The following GDF5 variants were observed in gnomAD, a reference collection of about 807,000 sequenced individuals.
The protein encoded by GDF5 is growth/differentiation factor 5.
GDF5 carries 17 observed loss-of-function variants against 34.6 expected under a neutral mutation model. The observed-to-expected ratio is 0.49, with a 90% CI of 0.34 to 0.74. The LOEUF is 0.74. Ranked by LOEUF, GDF5 falls within the 30% of genes least tolerant of loss-of-function variation. The pLI, the probability that GDF5 is intolerant of heterozygous loss-of-function variation, is 0.01. For missense variants in GDF5, 616 were observed against 661.2 expected (o/e 0.93, Z 0.75); for synonymous variants, 332 against 290.7 (o/e 1.14, Z -1.44).
chr20:35,449,014 CAGAT>C (rs1386365019), intron 1 of GDF5, among the ~76,000 whole-genome samples: 1 of 152,174 alleles, frequency 6.6e-6, no homozygotes, highest in Non-Finnish European at 1.5e-5. Flanking sequence ...ACAATTCAAC[CAGAT>C]GGTGGCATCA....
chr20:35,438,114 C>T lies in GDF5; in HGVS notation c.-186G>A, dbSNP rs935718058. On this transcript the variant is annotated 5_prime_UTR_variant, in exon 1 of 2. Transcript: ENST00000374369. ...AGTCTGCCGGGTGTGTGTTTGTATC[C>T]AGTCCCATAGTGGAAATGCTCTCGT... 2 of 670,030 alleles carry T rather than the reference C, an allele frequency of 3.0e-6. No individual in the cohort carries two copies. The highest frequency in any genetic ancestry group is 1.8e-5 in the African/African-American group (1 of 55,636). 41.5% of individuals were successfully genotyped at this position (670,030 alleles called of 1,614,324 possible).
intron 1 of GDF5, among the ~76,000 whole-genome samples, chr20:35,448,999 T>G (rs188593207): frequency 1.3e-5 from 2 of 152,132 alleles, no homozygotes; most frequent in African/African-American, 4.8e-5. Flanking sequence ...ACTAGGGAGA[T>G]TGACACAATT....
intron 1 of GDF5, chr20:35,435,346 G>C (rs1440396589): frequency 1.2e-5 from 2 of 162,220 alleles, no homozygotes; most frequent in Admixed American, 6.0e-5. Context: ...AGCTACTCAG[G>C]AGGCTGAGGT....
chr20:35,451,583 T>C (rs1427169777), intron 1 of GDF5, among the ~76,000 whole-genome samples: 1 of 132,692 alleles, frequency 7.5e-6, no homozygotes, highest in African/African-American at 3.2e-5. Context: ...TTTTTTTTCC[T>C]TTTTTTTTTT....
chr20:35,451,092 T>TATATATACACAC (rs1555824851), intron 1 of GDF5, among the ~76,000 whole-genome samples: 7 of 133,580 alleles, frequency 5.2e-5, no homozygotes, highest in African/African-American at 1.8e-4. Flanking sequence ...TATATATATA[T>TATATATACACAC]ACACAAATAT....
chr20:35,442,859 T>G (rs566658923), upstream of GDF5, among the ~76,000 whole-genome samples: 9 of 152,158 alleles, frequency 5.9e-5, no homozygotes, highest in Non-Finnish European at 1.2e-4. Context: ...TACTCTCATT[T>G]TAAAGATAAA....
intron 1 of GDF5, among the ~76,000 whole-genome samples, chr20:35,445,752 C>T (rs6119607): frequency 1.3e-5 from 2 of 151,262 alleles, no homozygotes; most frequent in Non-Finnish European, 2.9e-5. Flanking sequence ...GGCAGATCAC[C>T]TGAGGTTGTG....
Position 35,434,703 on chromosome 20 carries a change from C to A in GDF5, c.712G>T (p.Glu238Ter). 6.2e-7 allele frequency: 1 copy of A among 1,612,420 alleles called. No individual in the cohort carries two copies. ...ALEKDGLLGA[E>*]LRILRKKPSD... ...GGCTTCTTCCGCAAGATCCGCAGCT[C>A]GGCCCCCAGCAGCCCATCCTTCTCC... is the stretch of plus-strand genomic sequence containing the variant. Residue 238 changes from glutamate (E) to a stop codon, truncating the protein, a stop_gained, in exon 2 of 2, where the codon GAG becomes TAG. Transcript: ENST00000374369. LOFTEE classifies it high-confidence loss of function.
intron 1 of GDF5, among the ~76,000 whole-genome samples, chr20:35,451,054 A>ATATAT (rs2062530183): frequency 0.1 from 4,785 of 47,874 alleles, 821 homozygotes; most frequent in Non-Finnish European, 0.13. Flanking sequence ...AAAAAAAAAA[A>ATATAT]AAAAAAAAAA....
At chr20:35,446,438 CTTT>C (rs11477146) in intron 1 of GDF5, among the ~76,000 whole-genome samples, 19 of 135,982 alleles carry the variant, frequency 1.4e-4, no homozygotes, top group Non-Finnish European at 1.6e-4. Flanking sequence ...TTATTTATTG[CTTT>C]TTTTTTTTTT....
At chr20:35,448,307 A>G (rs908571846) in intron 1 of GDF5, among the ~76,000 whole-genome samples, 7 of 151,688 alleles carry the variant, frequency 4.6e-5, no homozygotes, top group Non-Finnish European at 1.0e-4. Flanking sequence ...TGAGGCTCAG[A>G]AAGGGAAAGA....
intron 1 of GDF5, among the ~76,000 whole-genome samples, chr20:35,436,060 G>A (rs192836810): frequency 6.6e-6 from 1 of 152,272 alleles, no homozygotes; most frequent in East Asian, 1.9e-4. Context: ...CTATGTATGT[G>A]TATGTGAGAA....
intron 1 of GDF5, among the ~76,000 whole-genome samples, chr20:35,448,887 C>A (rs224343): frequency 0.61 from 93,113 of 151,986 alleles, 31,533 homozygotes; most frequent in Non-Finnish European, 0.76. Flanking sequence ...TCACTTCGAG[C>A]CTGACTTAGT....
upstream of GDF5, among the ~76,000 whole-genome samples, chr20:35,443,172 C>T (rs1833013802): frequency 1.3e-5 from 2 of 152,116 alleles, no homozygotes; most frequent in Non-Finnish European, 2.9e-5. Context: ...GCCCAGGGTT[C>T]CTGCCTGGCT....
chr20:35,433,927 C>T lies in GDF5; in HGVS notation c.1488G>A (p.Glu496=), dbSNP rs1458094477. The change falls in exon 2 of 2, where the codon GAG becomes GAA. Residue 496 remains glutamate (E), a synonymous_variant. Coordinates refer to ENST00000374369, the MANE Select transcript of GDF5 (RefSeq NM_000557.5). ...VYKQYEDMVV[E]SCGCR is the part of the protein sequence containing the mutation. The stretch of plus-strand genomic sequence containing the variant: ...AGTGCTGCTACCTGCAGCCACACGA[C>T]TCCACGACCATGTCCTCATACTGCT... The T allele has an allele frequency of 1.9e-6, 3 of 1,614,108 alleles. No homozygotes were observed. The Admixed American group carries it at 5.0e-5, about 27-fold the overall frequency.
At chr20:35,449,752 A>C (rs1187386963) in intron 1 of GDF5, among the ~76,000 whole-genome samples, 4 of 151,546 alleles carry the variant, frequency 2.6e-5, no homozygotes, top group Non-Finnish European at 2.9e-5. Flanking sequence ...GGGAGGCTAA[A>C]GTAGGAACAT....
At chr20:35,448,411 A>AT (rs34224925) in intron 1 of GDF5, among the ~76,000 whole-genome samples, 2,956 of 119,688 alleles carry the variant, frequency 0.025, 42 homozygotes, top group Non-Finnish European at 0.029. Flanking sequence ...AAAAAAAAAA[A>AT]AAATATATAT....
chr20:35,453,970 A>C (rs1032378905), intron 1 of GDF5: 2 of 534,572 alleles, frequency 3.7e-6, no homozygotes, highest in Non-Finnish European at 7.7e-6. Flanking sequence ...CAATTATCAG[A>C]ATCACCCTGG....
At position 35,450,087 on chromosome 20, in the gene GDF5, G is replaced by A. The variant is rs528692727; in HGVS notation, c.-398+4553C>T. Among the ~76,000 whole-genome samples, 8 of 151,584 alleles carry A rather than the reference G, an allele frequency of 5.3e-5. No individual in the cohort carries two copies. In the East Asian group the frequency reaches 1.6e-3, roughly 30 times the overall value. On this transcript the variant is annotated intron_variant, in intron 1 of 3. Coordinates refer to the GDF5 transcript ENST00000374372. ...GGAAGCCGAGGTGGGCGGATCACTTGAGGTCAGGAATTCAAGACCAGCCTC... is the reference window on the plus strand; with the variant it reads ...GGAAGCCGAGGTGGGCGGATCACTTAAGGTCAGGAATTCAAGACCAGCCTC...
Sources: allele counts gnomAD v4.1 joint callset (sites outside exome capture counted in the v4.1 genomes callset), GRCh38; gene constraint gnomAD v4.1.1; transcripts MANE v1.5; gene names NCBI Gene and HGNC (gene_info 2026-07-23, HGNC 2026-07-21).